Variants in MYBPC1 observed in about 807,000 individuals in gnomAD.
The protein encoded by MYBPC1 is myosin-binding protein C, slow-type.
Under a neutral mutation model 147.1 loss-of-function variants are expected in MYBPC1, and 52 were observed. The observed-to-expected ratio is 0.35, with a 90% confidence interval of 0.28 to 0.45. The LOEUF is 0.45. MYBPC1 is among the 20% of genes least tolerant of loss of function. The pLI is 1.00. For missense variants in MYBPC1, 1,228 were observed against 1,440.3 expected (o/e 0.85, Z 2.39); for synonymous variants, 477 against 475.9 (o/e 1.00, Z -0.03).
chr12:101,680,466 T>TA lies in MYBPC1; in HGVS notation c.3371dup (p.Tyr1124Ter), dbSNP rs771986472. 6.2e-7 allele frequency: 1 copy of TA among 1,614,162 alleles called. No homozygotes were observed. Among genetic ancestry groups the TA allele is most frequent in the Non-Finnish European group, 8.5e-7 (1 of 1,179,988 alleles). The change falls in exon 29 of 32, where the codon TAC becomes TAAC. Residue 1124 changes from tyrosine (Y) to a stop codon, truncating the protein, a stop_gained and frameshift_variant. Transcript: ENST00000361466. LOFTEE classifies it high-confidence loss of function. ...RKPSPYDGGT[Y>*]CCKAVNDLGT... Reference sequence around the variant, plus strand: ...GCCCAGCCCCTATGATGGAGGCACTTACTGCTGCAAAGCAGTCAATGACCT... The same window carrying TA: ...GCCCAGCCCCTATGATGGAGGCACTTAACTGCTGCAAAGCAGTCAATGACCT...
intron 8 of MYBPC1, among the ~76,000 whole-genome samples, chr12:101,634,333 G>A (rs1195299694): frequency 1.3e-5 from 2 of 152,186 alleles, no homozygotes; most frequent in African/African-American, 4.8e-5. Flanking sequence ...CAGACAAGTT[G>A]AATGACACCT....
chr12:101,688,969 GAAAAAGA>G (rs1566029105), downstream of MYBPC1, among the ~76,000 whole-genome samples: 28 of 54,700 alleles, frequency 5.1e-4, no homozygotes, highest in Non-Finnish European at 1.0e-3. Flanking sequence ...AAAAAAAAAA[GAAAAAGA>G]AAAAAAAAGA....
chr12:101,663,124 G>A (rs918752792), intron 21 of MYBPC1, among the ~76,000 whole-genome samples: 1 of 152,042 alleles, frequency 6.6e-6, no homozygotes, highest in Non-Finnish European at 1.5e-5. Flanking sequence ...AGAGAGCAAT[G>A]GGAAAATTAC....
chr12:101,653,211 A>G lies in MYBPC1; in HGVS notation c.1730A>G (p.Glu577Gly). ...CGTCTTGAGATCCCCATCAGCGGAG[A>G]ACCACCTCCTAAAGCCATGTGGAGC... ...KLRLEIPISG[E>G]PPPKAMWSRG... Residue 577 changes from glutamate to glycine, a missense_variant, in exon 18 of 32, where the codon GAA becomes GGA. By Grantham distance (98) the Glu-to-Gly change is moderately conservative. This residue lies in a region of MYBPC1 where 1,077 missense variants were observed against 1,314.2 expected (regional missense o/e 0.82). Coordinates refer to ENST00000361466, the MANE Select transcript of MYBPC1 (RefSeq NM_002465.4). 1 of 1,614,124 alleles carries G rather than the reference A, an allele frequency of 6.2e-7. No homozygotes were observed. The highest frequency in any genetic ancestry group is 8.5e-7 in the Non-Finnish European group (1 of 1,180,024).
At chr12:101,673,725 C>T (rs1899221363) in intron 25 of MYBPC1, 103 bp downstream of exon 25, 2 of 1,248,638 alleles carry the variant, frequency 1.6e-6, no homozygotes, top group Non-Finnish European at 2.3e-6. Flanking sequence ...GCTGGCTCTA[C>T]ATAAAACTCT....
At chr12:101,628,391 G>A (rs547693181) in intron 5 of MYBPC1, among the ~76,000 whole-genome samples, 10 of 151,882 alleles carry the variant, frequency 6.6e-5, no homozygotes, top group Non-Finnish European at 7.4e-5. Flanking sequence ...CATTAGCTTG[G>A]GTGTTTAAAA....
Position 101,661,197 on chromosome 12 carries a change from T to G in MYBPC1, c.1967T>G (p.Val656Gly). Residue 656 changes from valine to glycine, a missense_variant, in exon 20 of 32, where the codon GTG becomes GGG. By Grantham distance (109) the Val-to-Gly change is moderately radical. Around this residue, in one of 2 missense-constraint regions of MYBPC1, gnomAD observed 1,077 missense variants for 1,314.2 expected, o/e 0.82. Transcript: ENST00000361466. Reference protein sequence around the residue: ...DPPVAPTVTEVGDDWCIMNWE... With the variant: ...DPPVAPTVTEGGDDWCIMNWE... ...CCAGTGGCACCGACTGTGACAGAGGTGGGAGATGACTGGTGTATCATGAAC... is the reference window on the plus strand; with the variant it reads ...CCAGTGGCACCGACTGTGACAGAGGGGGGAGATGACTGGTGTATCATGAAC... 6.2e-7 allele frequency: 1 copy of G among 1,613,686 alleles called. No individual in the cohort carries two copies.
At chr12:101,614,095 C>G (rs570711769) in intron 1 of MYBPC1, among the ~76,000 whole-genome samples, 1 of 152,076 alleles carries the variant, frequency 6.6e-6, no homozygotes, top group Non-Finnish European at 1.5e-5. Flanking sequence ...GCAGTCCTGC[C>G]CATATAAGAT....
intron 31 of MYBPC1, among the ~76,000 whole-genome samples, chr12:101,684,680 CA>C (rs1247212456): frequency 6.6e-6 from 1 of 152,006 alleles, no homozygotes; most frequent in Non-Finnish European, 1.5e-5. Context: ...TTAATGTAGA[CA>C]AAAATGGGTG....
At chr12:101,692,137 A>G in the MYBPC1 span, among the ~76,000 whole-genome samples, 1 of 152,198 alleles carries the variant, frequency 6.6e-6, no homozygotes, top group Non-Finnish European at 1.5e-5. Context: ...CATGAGACTT[A>G]GGGAGGAGAA....
In MYBPC1 at chr12:101,648,051, C is replaced by A; in HGVS notation, c.1097C>A (p.Pro366Gln). The part of the protein sequence containing the change: ...CSTELFVREP[P>Q]IMVTKQLEDT... ...TCCCCTTTTTGTATACTAGAGCCTC[C>A]AATTATGGTGACCAAACAGCTGGAA... Residue 366 changes from proline (P) to glutamine (Q), a missense_variant, in exon 14 of 32, where the codon CCA (proline) becomes CAA (glutamine). Pro to Gln is a moderately conservative substitution (Grantham distance 76, BLOSUM62 -1). Around this residue, in one of 2 missense-constraint regions of MYBPC1, gnomAD observed 1,077 missense variants for 1,314.2 expected, o/e 0.82. Coordinates refer to ENST00000361466, the MANE Select transcript of MYBPC1 (RefSeq NM_002465.4). The A allele has an allele frequency of 6.2e-7, 1 of 1,610,030 alleles. No individual in the cohort carries two copies. Among genetic ancestry groups the A allele is most frequent in the Middle Eastern group, 1.7e-4 (1 of 6,042 alleles).
Position 101,649,352 on chromosome 12 carries a change from C to A in MYBPC1, c.1289C>A (p.Ala430Glu). 2 of 1,613,864 alleles carry A rather than the reference C, an allele frequency of 1.2e-6. No individual in the cohort carries two copies. Among genetic ancestry groups the A allele is most frequent in the Non-Finnish European group, 1.7e-6 (2 of 1,179,856 alleles). The change falls in exon 15 of 32, where the codon GCA becomes GAA. Residue 430 changes from alanine (A) to glutamate (E), a missense_variant. Physicochemically the swap from Ala to Glu is moderately radical, Grantham distance 107 (BLOSUM62 -1). Coordinates refer to ENST00000361466, the MANE Select transcript of MYBPC1 (RefSeq NM_002465.4). ...AAACACATCTTGATCATAGAGGGAGCAACAAAGGCTGATGCTGCAGAATAT... is the reference window on the plus strand; with the variant it reads ...AAACACATCTTGATCATAGAGGGAGAAACAAAGGCTGATGCTGCAGAATAT... ...GKKHILIIEG[A>E]TKADAAEYSV...
intron 10 of MYBPC1, among the ~76,000 whole-genome samples, chr12:101,640,308 G>A (rs116340412): frequency 2.6e-5 from 4 of 152,044 alleles, no homozygotes; most frequent in Admixed American, 6.5e-5. Flanking sequence ...CACTTCACCC[G>A]GCCTATACAT....
chr12:101,666,896 C>CAA, intron 22 of MYBPC1: 1 of 422,800 alleles, frequency 2.4e-6, no homozygotes, highest in Non-Finnish European at 4.5e-6. Flanking sequence ...CACATACATA[C>CAA]ACACACACAC....
chr12:101,618,003 T>C (rs1015210305), intron 3 of MYBPC1, among the ~76,000 whole-genome samples: 3 of 152,226 alleles, frequency 2.0e-5, no homozygotes, highest in African/African-American at 7.2e-5. Flanking sequence ...TATATGTTTG[T>C]ATTGTCATTT....
chr12:101,636,964 C>T (rs897796563), intron 10 of MYBPC1: 1 of 297,302 alleles, frequency 3.4e-6, no homozygotes, highest in Non-Finnish European at 5.8e-6. Flanking sequence ...TGACTCTTCA[C>T]CTATTTTTTT....
chr12:101,654,193 G>A (rs1447660911), intron 18 of MYBPC1, among the ~76,000 whole-genome samples: 2 of 152,096 alleles, frequency 1.3e-5, no homozygotes, highest in African/African-American at 4.8e-5. Context: ...GTGACAGAGT[G>A]AGACTCTATC....
At chr12:101,637,958 T>C (rs569329600) in intron 10 of MYBPC1, among the ~76,000 whole-genome samples, 9 of 152,306 alleles carry the variant, frequency 5.9e-5, no homozygotes, top group African/African-American at 2.2e-4. Flanking sequence ...GTATATGAAG[T>C]GCCCTTAAGT....
intron 1 of MYBPC1, among the ~76,000 whole-genome samples, chr12:101,607,080 C>G (rs983507287): frequency 1.3e-5 from 2 of 152,158 alleles, no homozygotes; most frequent in Admixed American, 6.5e-5. Flanking sequence ...ATCTGCCCCC[C>G]AAAGTGCTGA....
Sources: allele counts gnomAD v4.1 joint callset (sites outside exome capture counted in the v4.1 genomes callset), GRCh38; gene constraint gnomAD v4.1.1; regional missense constraint gnomAD v4.1.1; transcripts MANE v1.5; gene names NCBI Gene and HGNC (gene_info 2026-07-23, HGNC 2026-07-21).